The following SRPRA variants were observed in gnomAD, a reference collection of about 807,000 sequenced individuals.
SRPRA encodes signal recognition particle receptor subunit alpha.
In SRPRA, 30 loss-of-function variants were observed where a neutral mutation model predicts 61.1. That is an observed-to-expected ratio of 0.49 (90% CI 0.37 to 0.67). The LOEUF (loss-of-function observed/expected upper bound fraction) is 0.67, where lower values mean the gene tolerates loss of function less well. Among genes scored for constraint, SRPRA ranks in the 30% least tolerant of loss-of-function variants. The pLI, the probability that SRPRA is intolerant of heterozygous loss-of-function variation, is 0.00. For missense variants in SRPRA, 759 were observed against 828.4 expected, an observed-to-expected ratio of 0.92 and a Z score of 1.03; for synonymous variants, 324 against 299.7, an observed-to-expected ratio of 1.08 and a Z score of -0.84.
At position 126,265,580 on chromosome 11, in the gene SRPRA, A is replaced by C; in HGVS notation, c.1139-140T>G. On this transcript the variant is annotated intron_variant, in intron 9 of 13. Transcript: ENST00000332118. The surrounding 1 kb of genome is among the most constrained non-coding windows in gnomAD (Gnocchi z 6.3). ...GAAATCCAGAACAGACGCACATTAC[A>C]AGGACTAACTCACTGAATCCTCTCA... 1 of 1,201,150 alleles carries C rather than the reference A, an allele frequency of 8.3e-7. No homozygotes were observed. Among genetic ancestry groups the C allele is most frequent in the South Asian group, 1.4e-5 (1 of 71,434 alleles). The allele number at this position is 1,201,150 out of a possible 1,614,324, so 74.4% of individuals were successfully genotyped here.
the SRPRA span, among the ~76,000 whole-genome samples, chr11:126,252,907 C>T: frequency 4.6e-5 from 7 of 151,704 alleles, no homozygotes; most frequent in Admixed American, 2.6e-4. This position sits in a 1 kb window ranked among gnomAD's most constrained non-coding sequence, Gnocchi z 4.7. Context: ...TGGTGGTGCA[C>T]GCCTGTAATC....
At chr11:126,244,905 T>G in the SRPRA span, 2 of 152,336 alleles carry the variant, frequency 1.3e-5, no homozygotes, top group Admixed American at 1.3e-4. This position sits in a 1 kb window ranked among gnomAD's most constrained non-coding sequence, Gnocchi z 4.5. Context: ...GCCATGTTCC[T>G]GAATCAGAAG....
Position 126,266,325 on chromosome 11 carries a change from C to G in SRPRA, c.841-47G>C, listed in dbSNP as rs748833468. 8.1e-6 allele frequency: 13 copies of G among 1,605,998 alleles called. No individual in the cohort carries two copies. In the African/African-American group the frequency reaches 1.5e-4, roughly 18 times the overall value. On this transcript the variant is annotated intron_variant, in intron 6 of 13. Coordinates refer to ENST00000332118, the MANE Select transcript of SRPRA (RefSeq NM_003139.4). ...TGTGGGGTCAGGAACACTAAGGTCTCTGAGGAAAACGTCCACATTGCTCTA... is the reference window on the plus strand; with the variant it reads ...TGTGGGGTCAGGAACACTAAGGTCTGTGAGGAAAACGTCCACATTGCTCTA...
chr11:126,249,076 T>G, the SRPRA span, among the ~76,000 whole-genome samples: 20 of 152,180 alleles, frequency 1.3e-4, no homozygotes, highest in Non-Finnish European at 1.5e-5. Context: ...GTAAGCCGTA[T>G]GTTAAGAAGT....
Position 126,264,973 on chromosome 11 carries a change from T to G in SRPRA, c.1511A>C (p.Glu504Ala), listed in dbSNP as rs1445419894. ...ATGCACTGTACCAAAAGCAATGGCT[T>G]CCATGGCAATGCCAGCAGCATCCTT... ...YGKDAAGIAM[E>A]AIAFARNQGF... is the part of the protein sequence containing the mutation. Residue 504 changes from glutamate (E) to alanine (A), a missense_variant, in exon 11 of 14, where the codon GAA becomes GCA. Glu to Ala is a moderately radical substitution (Grantham distance 107, BLOSUM62 -1). Around this residue, in one of 2 missense-constraint regions of SRPRA, gnomAD observed 284 missense variants for 365.9 expected, o/e 0.78. Transcript: ENST00000332118. This position sits in a 1 kb window ranked among gnomAD's most constrained non-coding sequence, Gnocchi z 5.0. The G allele has an allele frequency of 1.9e-6, 3 of 1,613,912 alleles. No homozygotes were observed. The Admixed American group carries it at 5.0e-5, about 27-fold the overall frequency.
At chr11:126,236,523 T>C in the SRPRA span, among the ~76,000 whole-genome samples, 55 of 152,320 alleles carry the variant, frequency 3.6e-4, no homozygotes, top group African/African-American at 1.3e-3. Context: ...TAAGGATCAT[T>C]ATTTTATTCT....
chr11:126,253,697 G>A, the SRPRA span, among the ~76,000 whole-genome samples: 8 of 152,140 alleles, frequency 5.3e-5, no homozygotes, highest in South Asian at 8.3e-4. The surrounding 1 kb of genome is among the most constrained non-coding windows in gnomAD (Gnocchi z 5.1). Flanking sequence ...TCTGATGGCC[G>A]CACCAGGGCT....
chr11:126,256,490 G>A, the SRPRA span: 17 of 1,404,342 alleles, frequency 1.2e-5, no homozygotes, highest in Middle Eastern at 1.8e-4. The surrounding 1 kb of genome is among the most constrained non-coding windows in gnomAD (Gnocchi z 6.6). Context: ...TCTGCTCAAC[G>A]TAGCATGACC....
chr11:126,258,602 T>C (rs539578797), downstream of SRPRA, among the ~76,000 whole-genome samples: 1 of 152,326 alleles, frequency 6.6e-6, no homozygotes, highest in East Asian at 1.9e-4. Context: ...TATTTACTAT[T>C]CTTTGTTGGA....
chr11:126,262,233 A>G, downstream of SRPRA: 4 of 1,349,220 alleles, frequency 3.0e-6, no homozygotes, highest in Non-Finnish European at 4.2e-6. Flanking sequence ...CAATTCCCAG[A>G]AAGTAACAAT....
rs566463218 is a variant in SRPRA at position 126,263,464 on chromosome 11, G to A, written c.*452C>T. 8.2e-5 allele frequency: 13 copies of A among 158,014 alleles called. No homozygotes were observed. Among genetic ancestry groups the A allele is most frequent in the Non-Finnish European group, 1.7e-4 (12 of 71,374 alleles). 9.8% of individuals were successfully genotyped at this position (158,014 alleles called of 1,614,324 possible). A position where few individuals can be genotyped will look rare whatever the true frequency, so the allele number is the denominator to read the frequency against. On this transcript the variant is annotated 3_prime_UTR_variant, in exon 14 of 14. Transcript: ENST00000332118. ...AGGCGGGTGTCATCCAGGTCCTGGG[G>A]ACCTGCAGGCTGTGTATCCTAGGGA...
the SRPRA span, among the ~76,000 whole-genome samples, chr11:126,241,979 C>T: frequency 1.4e-5 from 2 of 143,928 alleles, no homozygotes; most frequent in Admixed American, 7.1e-5. Flanking sequence ...GAGTTGCGGT[C>T]GCGCCACTGC....
the SRPRA span, among the ~76,000 whole-genome samples, chr11:126,247,975 C>T: frequency 1.4e-5 from 2 of 141,862 alleles, no homozygotes; most frequent in African/African-American, 5.2e-5. Flanking sequence ...ACTATCAATA[C>T]ATTATATATA....
At chr11:126,246,914 G>A in the SRPRA span, among the ~76,000 whole-genome samples, 5 of 152,236 alleles carry the variant, frequency 3.3e-5, no homozygotes, top group East Asian at 7.7e-4. Context: ...GCCACTGGTG[G>A]CAAATTTAGT....
At chr11:126,244,235 C>T in the SRPRA span, among the ~76,000 whole-genome samples, 1 of 152,116 alleles carries the variant, frequency 6.6e-6, no homozygotes, top group Non-Finnish European at 1.5e-5. This position sits in a 1 kb window ranked among gnomAD's most constrained non-coding sequence, Gnocchi z 4.5. Context: ...GCTGGATGTT[C>T]TAGACCGGGC....
the SRPRA span, among the ~76,000 whole-genome samples, chr11:126,240,303 T>A: frequency 6.6e-6 from 1 of 152,078 alleles, no homozygotes; most frequent in Non-Finnish European, 1.5e-5. Context: ...AGGTTAATGT[T>A]TACAAAATTC....
rs1950775865 is a variant in SRPRA at position 126,264,905 on chromosome 11, C to T, written c.1525+54G>A. On this transcript the variant is annotated intron_variant, in intron 11 of 13. Coordinates refer to ENST00000332118, the MANE Select transcript of SRPRA (RefSeq NM_003139.4). This position sits in a 1 kb window ranked among gnomAD's most constrained non-coding sequence, Gnocchi z 5.0. The stretch of plus-strand genomic sequence containing the variant: ...TGATCTTCTGCAAATTCCAAGAGAA[C>T]CCAAGGAGAAAAAGGGACCCCAAAT... 1 of 1,527,580 alleles carries T rather than the reference C, an allele frequency of 6.5e-7. No homozygotes were observed. The highest frequency in any genetic ancestry group is 1.2e-5 in the South Asian group (1 of 84,226). The allele number at this position is 1,527,580 out of a possible 1,614,324, so 94.6% of individuals were successfully genotyped here.
At chr11:126,257,579 T>G in the SRPRA span, among the ~76,000 whole-genome samples, 1 of 150,400 alleles carries the variant, frequency 6.6e-6, no homozygotes, top group African/African-American at 2.4e-5. Flanking sequence ...AATACCATGG[T>G]CAGCTATATT....
At position 126,264,502 on chromosome 11, in the gene SRPRA, C is replaced by T. The variant is rs1357614655; in HGVS notation, c.1563G>A (p.Thr521=). The T allele has an allele frequency of 5.0e-6, 8 of 1,613,524 alleles. No individual in the cohort carries two copies. In the African/African-American group the frequency reaches 6.7e-5, roughly 13 times the overall value. ...NQGFDVVLVD[T]AGRMQDNAPL... ...GGGCATTGTCTTGCATGCGGCCTGC[C>T]GTGTCCACCAGCACCACGTCAAAGC... Residue 521 remains threonine (T), a synonymous_variant, in exon 12 of 14, where the codon ACG becomes ACA. Transcript: ENST00000332118. This position sits in a 1 kb window ranked among gnomAD's most constrained non-coding sequence, Gnocchi z 5.0.
Sources: gnomAD v4.1 joint callset for allele counts (sites outside exome capture counted in the v4.1 genomes callset) on GRCh38, gnomAD v4.1.1 for gene constraint, gnomAD v4.1.1 regional missense constraint, Gnocchi (gnomAD v3.1) non-coding constraint, MANE v1.5 for transcripts, NCBI Gene and HGNC (gene_info 2026-07-23, HGNC 2026-07-21) for gene names.